The following RSPO2 variants were observed in gnomAD, a reference collection of about 807,000 sequenced individuals.
The protein encoded by RSPO2 is R-spondin 2.
Under a neutral mutation model 30.9 loss-of-function variants are expected in RSPO2, and 14 were observed. The ratio of observed to expected loss-of-function variants is 0.45; its 90% CI spans 0.30 to 0.71. The LOEUF is 0.71. Among genes scored for constraint, RSPO2 ranks in the 30% least tolerant of loss-of-function variants. The pLI is 0.08. For synonymous variants in RSPO2, 107 were observed against 96.4 expected (o/e 1.11, Z -0.64); for missense variants, 264 against 301.9 (o/e 0.87, Z 0.93).
intron 1 of RSPO2, 113 bp downstream of exon 1, chr8:108,083,084 A>T (rs1427245116): frequency 6.1e-6 from 1 of 163,558 alleles, no homozygotes; most frequent in East Asian, 1.8e-4. Context: ...GAAAGGAAAG[A>T]ACTCTAAAGG....
intron 4 of RSPO2, among the ~76,000 whole-genome samples, chr8:107,960,460 A>T (rs1269241138): frequency 5.9e-5 from 9 of 152,190 alleles, no homozygotes. Flanking sequence ...AAGTAGATTA[A>T]CCTAGCAAAT....
chr8:108,056,678 C>A (rs1324871620), intron 2 of RSPO2, among the ~76,000 whole-genome samples: 1 of 148,980 alleles, frequency 6.7e-6, no homozygotes, highest in Non-Finnish European at 1.5e-5. Flanking sequence ...AAAACCAACA[C>A]TATGCCTGGC....
At chr8:107,926,240 C>G (rs145768812) in intron 5 of RSPO2, among the ~76,000 whole-genome samples, 14,709 of 152,126 alleles carry the variant, frequency 0.097, 833 homozygotes, top group East Asian at 0.18. Flanking sequence ...TCACCCACTT[C>G]TTGATGGGGT....
intron 2 of RSPO2, among the ~76,000 whole-genome samples, chr8:108,028,602 A>G (rs1473441683): frequency 6.6e-6 from 1 of 152,264 alleles, no homozygotes; most frequent in Middle Eastern, 3.4e-3. Context: ...AGCTCTCTCC[A>G]TCCTTCTTAG....
At chr8:108,021,984 A>C (rs188613340) in intron 2 of RSPO2, among the ~76,000 whole-genome samples, 1 of 152,290 alleles carries the variant, frequency 6.6e-6, no homozygotes, top group Non-Finnish European at 1.5e-5. Flanking sequence ...TTCTATCATC[A>C]AAAAGGAGAG....
intron 2 of RSPO2, among the ~76,000 whole-genome samples, chr8:108,047,677 G>A (rs1342341403): frequency 1.3e-5 from 2 of 152,018 alleles, no homozygotes; most frequent in Non-Finnish European, 1.5e-5. Context: ...GTGAAACCCC[G>A]TCTCTATTAA....
chr8:108,050,338 A>C (rs569283053), intron 2 of RSPO2, among the ~76,000 whole-genome samples: 30 of 152,314 alleles, frequency 2.0e-4, no homozygotes, highest in African/African-American at 6.5e-4. Context: ...GCTTAATTTT[A>C]GAAGAGTTTG....
At chr8:107,954,451 T>C (rs545855374) in intron 5 of RSPO2, among the ~76,000 whole-genome samples, 3 of 152,326 alleles carry the variant, frequency 2.0e-5, no homozygotes, top group Non-Finnish European at 2.9e-5. Context: ...TTAATTAGTA[T>C]ACTCAGGGAG....
intron 2 of RSPO2, among the ~76,000 whole-genome samples, chr8:108,013,271 GT>G (rs1563563553): frequency 6.6e-6 from 1 of 152,014 alleles, no homozygotes; most frequent in African/African-American, 2.4e-5. Context: ...TTTTTGGTTG[GT>G]TTTTGTACTC....
chr8:107,924,306 A>G (rs755326319), intron 5 of RSPO2, among the ~76,000 whole-genome samples: 1 of 152,100 alleles, frequency 6.6e-6, no homozygotes, highest in Non-Finnish European at 1.5e-5. Flanking sequence ...CAAGCATTGC[A>G]TATATCAAAC....
intron 2 of RSPO2, among the ~76,000 whole-genome samples, chr8:108,038,862 A>G (rs1045320504): frequency 5.3e-5 from 8 of 152,170 alleles, no homozygotes; most frequent in African/African-American, 1.9e-4. Flanking sequence ...GTGTAAACAT[A>G]TGCACGAAGA....
intron 2 of RSPO2, among the ~76,000 whole-genome samples, chr8:107,996,208 C>G (rs1815018322): frequency 6.6e-6 from 1 of 152,116 alleles, no homozygotes; most frequent in Non-Finnish European, 1.5e-5. Context: ...GAAAAGGTAG[C>G]TAGAGAGAAT....
At position 108,044,193 on chromosome 8, in the gene RSPO2, G is replaced by A. The variant is rs1247661917; in HGVS notation, c.94+38352C>T. Among the ~76,000 whole-genome samples, 4 of 151,760 alleles carry A rather than the reference G, an allele frequency of 2.6e-5. No homozygotes were observed. The South Asian group carries it at 8.3e-4, about 31-fold the overall frequency. Reference sequence around the variant, plus strand: ...AAAGCTAAGTGCATTTATTTAGGAAGTGATCAGGATGGGAAGAAGTCTTTT... The same window carrying A: ...AAAGCTAAGTGCATTTATTTAGGAAATGATCAGGATGGGAAGAAGTCTTTT... On this transcript the variant is annotated intron_variant, in intron 2 of 5. Transcript: ENST00000276659.
At chr8:107,909,892 C>T (rs892835867) in intron 5 of RSPO2, among the ~76,000 whole-genome samples, 1 of 152,156 alleles carries the variant, frequency 6.6e-6, no homozygotes, top group African/African-American at 2.4e-5. Context: ...GCTTTATATC[C>T]ATTTTCATTT....
intron 3 of RSPO2, among the ~76,000 whole-genome samples, chr8:107,987,161 G>C (rs1179646407): frequency 1.3e-5 from 2 of 152,176 alleles, no homozygotes; most frequent in South Asian, 2.1e-4. Flanking sequence ...TCTTAGCTCT[G>C]TCCAGTTAGT....
intron 2 of RSPO2, among the ~76,000 whole-genome samples, chr8:108,004,241 G>T (rs1262354228): frequency 5.3e-5 from 8 of 152,140 alleles, no homozygotes; most frequent in African/African-American, 1.9e-4. Context: ...ATTATAAATG[G>T]AAAGTCTTTT....
At chr8:108,003,525 C>T (rs1339876936) in intron 2 of RSPO2, among the ~76,000 whole-genome samples, 1 of 151,338 alleles carries the variant, frequency 6.6e-6, no homozygotes, top group Non-Finnish European at 1.5e-5. Flanking sequence ...TTTTGACATG[C>T]TTTGTTGATT....
chr8:107,930,442 T>C (rs781212907), intron 5 of RSPO2, among the ~76,000 whole-genome samples: 8 of 152,196 alleles, frequency 5.3e-5, no homozygotes, highest in Non-Finnish European at 1.2e-4. Flanking sequence ...TCTGTCACTC[T>C]AATGTTCACT....
chr8:108,076,437 T>C (rs1330345450), intron 2 of RSPO2, among the ~76,000 whole-genome samples: 1 of 152,188 alleles, frequency 6.6e-6, no homozygotes, highest in African/African-American at 2.4e-5. Flanking sequence ...AAGTAGATGC[T>C]GGAGGATGAG....
Sources: allele counts gnomAD v4.1 joint callset (sites outside exome capture counted in the v4.1 genomes callset), GRCh38; gene constraint gnomAD v4.1.1; transcripts MANE v1.5; gene names NCBI Gene and HGNC (gene_info 2026-07-23, HGNC 2026-07-21).